DYNC1I1: variants seen among roughly 807,000 people sequenced by gnomAD.
DYNC1I1 encodes the protein dynein cytoplasmic 1 intermediate chain 1, also known as cytoplasmic dynein 1 intermediate chain 1.
A neutral mutation model predicts 86.6 loss-of-function variants in DYNC1I1; 43 were observed. The observed-to-expected ratio is 0.50, with a 90% CI of 0.39 to 0.64. The LOEUF (loss-of-function observed/expected upper bound fraction) is 0.64, where lower values mean the gene tolerates loss of function less well. Ranked by LOEUF, DYNC1I1 falls within the 30% of genes least tolerant of loss-of-function variation. The pLI, the probability that DYNC1I1 is intolerant of heterozygous loss-of-function variation, is 0.00. For synonymous variants in DYNC1I1, 262 were observed against 283.7 expected (o/e 0.92, Z 0.77); for missense variants, 604 against 788.8 (o/e 0.77, Z 2.81).
At chr7:96,097,335 C>A in intron 16 of DYNC1I1, 148 bp from the exon 17 acceptor site, 1 of 868,718 alleles carries the variant, frequency 1.2e-6, no homozygotes, top group Non-Finnish European at 1.7e-6. Flanking sequence ...CCTGCTTGAT[C>A]CAAAGAAGAA....
intron 6 of DYNC1I1, among the ~76,000 whole-genome samples, chr7:95,879,171 T>C (rs1790386165): frequency 6.6e-6 from 1 of 152,108 alleles, no homozygotes; most frequent in South Asian, 2.1e-4. Context: ...CAAGTAGAGG[T>C]AGCTATGTAA....
intron 1 of DYNC1I1, among the ~76,000 whole-genome samples, chr7:95,789,583 G>T (rs1794239176): frequency 6.6e-6 from 1 of 152,128 alleles, no homozygotes; most frequent in South Asian, 2.1e-4. Flanking sequence ...CCAGTGCTCT[G>T]TGAATACATT....
chr7:95,881,585 A>C (rs1790456622), intron 6 of DYNC1I1, among the ~76,000 whole-genome samples: 1 of 152,186 alleles, frequency 6.6e-6, no homozygotes, highest in Admixed American at 6.5e-5. Flanking sequence ...AATAGCTCAA[A>C]ACTTGTAGTG....
At chr7:95,934,062 T>C (rs1278021436) in intron 6 of DYNC1I1, among the ~76,000 whole-genome samples, 1 of 152,122 alleles carries the variant, frequency 6.6e-6, no homozygotes, top group Non-Finnish European at 1.5e-5. Flanking sequence ...AATAATTGCC[T>C]GGTGGTCTTG....
At chr7:95,865,687 A>G (rs1789999719) in intron 5 of DYNC1I1, among the ~76,000 whole-genome samples, 2 of 152,210 alleles carry the variant, frequency 1.3e-5, no homozygotes, top group Non-Finnish European at 2.9e-5. Flanking sequence ...TTTTAGATAC[A>G]CAAATACTCA....
rs773523453 is a variant in DYNC1I1, at chr7:95,987,119, G to A, written c.807G>A (p.Lys269=). ...NRQFYDEHWS[K]HRVVTCMDWS... is the part of the protein sequence containing the mutation. ...AGTTCTATGATGAACATTGGTCCAA[G>A]CATCGAGTGGTCACTTGTATGGACT... Residue 269 remains lysine, a synonymous_variant, in exon 9 of 17, where the codon AAG becomes AAA. Transcript: ENST00000447467. 20 of 1,613,826 alleles carry A rather than the reference G, an allele frequency of 1.2e-5. No individual in the cohort carries two copies. The highest frequency in any genetic ancestry group is 2.2e-5 in the East Asian group (1 of 44,864).
intron 14 of DYNC1I1, among the ~76,000 whole-genome samples, chr7:96,068,247 C>T (rs1790053272): frequency 6.6e-6 from 1 of 152,112 alleles, no homozygotes; most frequent in Admixed American, 6.5e-5. Flanking sequence ...ATAAGGTAAA[C>T]AAATCTGCTA....
intron 5 of DYNC1I1, among the ~76,000 whole-genome samples, chr7:95,841,974 A>G (rs947364939): frequency 1.3e-5 from 2 of 152,150 alleles, no homozygotes; most frequent in African/African-American, 2.4e-5. Flanking sequence ...GCTGGGCCCC[A>G]TTGGCTTCCA....
At chr7:95,806,359 A>G (rs778227859) in intron 2 of DYNC1I1, among the ~76,000 whole-genome samples, 28 of 152,084 alleles carry the variant, frequency 1.8e-4, no homozygotes, top group Admixed American at 3.3e-4. Context: ...CATTTTACAC[A>G]TTTTGGGGAA....
chr7:96,061,130 G>A (rs79993991), intron 14 of DYNC1I1, among the ~76,000 whole-genome samples: 8,848 of 152,246 alleles, frequency 0.058, 406 homozygotes, highest in African/African-American at 0.13. Flanking sequence ...ACCAGAATGC[G>A]TTCAGTGTGT....
intron 10 of DYNC1I1, among the ~76,000 whole-genome samples, chr7:96,018,747 A>G (rs1241778320): frequency 1.3e-5 from 2 of 152,236 alleles, no homozygotes. Flanking sequence ...CTTGAAGGAA[A>G]TTAAGGAATG....
chr7:95,794,134 G>T (rs1035228366), intron 1 of DYNC1I1, among the ~76,000 whole-genome samples: 14 of 152,238 alleles, frequency 9.2e-5, no homozygotes, highest in South Asian at 6.2e-4. Flanking sequence ...GGATCCTGTT[G>T]CAAGTCCTTA....
chr7:95,818,044 G>GT (rs1183473809), intron 4 of DYNC1I1, among the ~76,000 whole-genome samples: 4 of 152,180 alleles, frequency 2.6e-5, no homozygotes, highest in African/African-American at 9.6e-5. Flanking sequence ...TGTTTTCAAA[G>GT]TTAAAACATC....
Position 96,051,740 on chromosome 7 carries a change from A to G in DYNC1I1, c.1509+12319A>G, listed in dbSNP as rs536821930. ...TAAATATTACCTATTTCACTTTTAC[A>G]TCCTCTGATGGGGTTAAAATATAAG... On this transcript the variant is annotated intron_variant, in intron 14 of 16. Transcript: ENST00000447467. 1.5e-4 allele frequency among the ~76,000 whole-genome samples: 23 copies of G among 152,276 alleles called. No individual in the cohort carries two copies. In the South Asian group the frequency reaches 4.6e-3, roughly 30 times the overall value.
intron 15 of DYNC1I1, among the ~76,000 whole-genome samples, chr7:96,079,607 A>G (rs978318298): frequency 6.6e-6 from 1 of 152,120 alleles, no homozygotes; most frequent in African/African-American, 2.4e-5. Context: ...TATAATTATC[A>G]ATGCTTTTAG....
intron 6 of DYNC1I1, among the ~76,000 whole-genome samples, chr7:95,886,788 T>G (rs146370607): frequency 3.3e-5 from 5 of 152,348 alleles, no homozygotes; most frequent in Non-Finnish European, 5.9e-5. Flanking sequence ...CAGTTTTATC[T>G]GGAGAACATA....
intron 6 of DYNC1I1, among the ~76,000 whole-genome samples, chr7:95,942,281 A>G (rs1306940258): frequency 6.6e-6 from 1 of 152,214 alleles, no homozygotes; most frequent in East Asian, 1.9e-4. Flanking sequence ...GAAGAAATCG[A>G]TAAGTTCCTC....
chr7:96,006,680 G>A (rs1444555198), intron 10 of DYNC1I1, among the ~76,000 whole-genome samples: 1 of 152,164 alleles, frequency 6.6e-6, no homozygotes, highest in Non-Finnish European at 1.5e-5. Flanking sequence ...AAGAAGATCA[G>A]GATAATTAAA....
chr7:95,861,976 T>G (rs1378128300), intron 5 of DYNC1I1, among the ~76,000 whole-genome samples: 2 of 152,158 alleles, frequency 1.3e-5, no homozygotes, highest in African/African-American at 4.8e-5. Flanking sequence ...AAATTAAGCA[T>G]AGGAAAACTG....
Sources: allele counts gnomAD v4.1 joint callset (sites outside exome capture counted in the v4.1 genomes callset), GRCh38; gene constraint gnomAD v4.1.1; transcripts MANE v1.5; gene names NCBI Gene and HGNC (gene_info 2026-07-23, HGNC 2026-07-21).